AGO3: variants seen among roughly 807,000 people sequenced by gnomAD.
AGO3 encodes the protein argonaute RISC catalytic component 3.
AGO3 carries 16 observed loss-of-function variants against 105.5 expected under a neutral mutation model. That is an observed-to-expected ratio of 0.15 (90% confidence interval 0.10 to 0.23). The LOEUF is 0.23. Among genes scored for constraint, AGO3 ranks in the 10% least tolerant of loss-of-function variants. The pLI, the probability that AGO3 is intolerant of heterozygous loss-of-function variation, is 1.00. For synonymous variants in AGO3, 340 were observed against 367.3 expected, an observed-to-expected ratio of 0.93 and a Z score of 0.85; for missense variants, 534 against 1,088.0, an observed-to-expected ratio of 0.49 and a Z score of 7.16.
chr1:35,932,028 G>A (rs1402168860), intron 1 of AGO3, among the ~76,000 whole-genome samples: 1 of 152,190 alleles, frequency 6.6e-6, no homozygotes, highest in East Asian at 1.9e-4. Context: ...ATACGAGGAG[G>A]TGGTTCTTAA....
chr1:36,018,081 A>C (rs1462121658), intron 11 of AGO3, among the ~76,000 whole-genome samples: 4 of 151,476 alleles, frequency 2.6e-5, no homozygotes, highest in African/African-American at 9.7e-5. Context: ...CCCGGGATCA[A>C]ACAATTGTCC....
chr1:36,017,801 G>A (rs1478010200), intron 11 of AGO3, among the ~76,000 whole-genome samples: 2 of 152,002 alleles, frequency 1.3e-5, no homozygotes, highest in Non-Finnish European at 2.9e-5. Context: ...TACTCAGGAG[G>A]CTGAAGTGGG....
At chr1:36,053,176 C>A (rs1430623434) in intron 17 of AGO3, among the ~76,000 whole-genome samples, 3 of 151,390 alleles carry the variant, frequency 2.0e-5, no homozygotes, top group African/African-American at 7.3e-5. Context: ...ATGCAAATGA[C>A]CATTATGAAT....
intron 5 of AGO3, among the ~76,000 whole-genome samples, chr1:35,979,092 C>CG (rs1331199630): frequency 6.6e-6 from 1 of 152,046 alleles, no homozygotes; most frequent in African/African-American, 2.4e-5. Flanking sequence ...TGGCTGGGCG[C>CG]GGTGGCTCAT....
At chr1:35,938,695 C>G (rs1337799035) in intron 1 of AGO3, among the ~76,000 whole-genome samples, 4 of 152,078 alleles carry the variant, frequency 2.6e-5, no homozygotes, top group African/African-American at 7.2e-5. Flanking sequence ...TGTTTGTATA[C>G]TGGTCCAGTG....
chr1:36,027,126 C>T lies in AGO3; in HGVS notation c.1419C>T (p.Asp473=). The T allele has an allele frequency of 1.2e-6, 2 of 1,613,186 alleles. No homozygotes were observed. The highest frequency in any genetic ancestry group is 1.7e-6 in the Non-Finnish European group (2 of 1,179,532). The change falls in exon 12 of 19, where the codon GAC becomes GAT. Residue 473 remains aspartate (D), a synonymous_variant. Coordinates refer to ENST00000373191, the MANE Select transcript of AGO3 (RefSeq NM_024852.4). This position sits in a 1 kb window ranked among gnomAD's most constrained non-coding sequence, Gnocchi z 4.0. ...TTTCTCCTTCCAGGGGTTTCACAGA[C>T]CAGCTGCGTAAGATTTCTAAGGATG... ...CREEILKGFT[D]QLRKISKDAG...
Position 36,040,331 on chromosome 1 carries a change from A to G in AGO3, c.2062A>G (p.Ile688Val), listed in dbSNP as rs1642192408. The G allele has an allele frequency of 1.9e-6, 3 of 1,613,752 alleles. No homozygotes were observed. The highest frequency in any genetic ancestry group is 3.3e-5 in the Admixed American group (2 of 60,032). The change falls in exon 16 of 19, where the codon ATT becomes GTT. Residue 688 changes from isoleucine (I) to valine (V), a missense_variant. Physicochemically the swap from Ile to Val is conservative, Grantham distance 29 (BLOSUM62 3). Around this residue, in one of 2 missense-constraint regions of AGO3, gnomAD observed 373 missense variants for 854.0 expected, o/e 0.44. Coordinates refer to ENST00000373191, the MANE Select transcript of AGO3 (RefSeq NM_024852.4). ...GGTATTATATTATGAACTACTAGCA[A>G]TTCGAGAAGCCTGCATCAGTTTGGA... ...RQVLYYELLA[I>V]REACISLEKD... is the part of the protein sequence containing the mutation.
At chr1:36,029,440 G>T (rs193184954) in intron 12 of AGO3, among the ~76,000 whole-genome samples, 266 of 147,096 alleles carry the variant, frequency 1.8e-3, no homozygotes, top group Non-Finnish European at 2.6e-3. Flanking sequence ...TGTCGCCCAG[G>T]TTGGAGTGCA....
At chr1:36,014,198 A>T in intron 11 of AGO3, 150 bp downstream of exon 11, 4 of 1,054,768 alleles carry the variant, frequency 3.8e-6, no homozygotes, top group South Asian at 1.6e-5. Flanking sequence ...TCACTCTGTC[A>T]CCCAGGCTGA....
At chr1:35,944,380 A>C (rs961612703) in intron 1 of AGO3, among the ~76,000 whole-genome samples, 2 of 151,698 alleles carry the variant, frequency 1.3e-5, no homozygotes, top group African/African-American at 4.8e-5. Flanking sequence ...AGTAAGTTTT[A>C]TTTCTCTAGG....
intron 2 of AGO3, among the ~76,000 whole-genome samples, chr1:35,963,787 A>G (rs1242932025): frequency 6.6e-6 from 1 of 152,194 alleles, no homozygotes. Flanking sequence ...GACTAGTATA[A>G]GAAATACTGC....
intron 17 of AGO3, among the ~76,000 whole-genome samples, chr1:36,050,791 C>CA (rs566050744): frequency 0.21 from 18,326 of 85,792 alleles, 3,511 homozygotes; most frequent in East Asian, 0.7. Context: ...GACTCTATCT[C>CA]AAAAAAAAAA....
intron 9 of AGO3, among the ~76,000 whole-genome samples, chr1:36,011,390 CAAAGA>C (rs1419522018): frequency 6.6e-6 from 1 of 151,570 alleles, no homozygotes; most frequent in Non-Finnish European, 1.5e-5. Flanking sequence ...TGTAAAGAGT[CAAAGA>C]AAGTTATTAC....
chr1:36,042,484 CTGTTT>C (rs1291687371), intron 16 of AGO3, among the ~76,000 whole-genome samples: 2 of 152,112 alleles, frequency 1.3e-5, no homozygotes, highest in African/African-American at 2.4e-5. Flanking sequence ...AGATTATGAA[CTGTTT>C]TGTTTTGTGC....
Position 36,056,713 on chromosome 1 carries a change from T to G in AGO3, c.*968T>G, listed in dbSNP as rs1642926771. ...GTATATAAGCAGTAGCAACCTGAAC[T>G]ATTCTTTTTCTTTTTTCTTTTTCTT... On this transcript the variant is annotated 3_prime_UTR_variant, in exon 19 of 19. Coordinates refer to ENST00000373191, the MANE Select transcript of AGO3 (RefSeq NM_024852.4). 1 of 151,776 alleles carries G rather than the reference T, an allele frequency of 6.6e-6. No individual in the cohort carries two copies. The highest frequency in any genetic ancestry group is 1.5e-5 in the Non-Finnish European group (1 of 67,956). 9.4% of individuals were successfully genotyped at this position (151,776 alleles called of 1,614,324 possible).
chr1:35,966,933 A>G, intron 2 of AGO3, 22 bp from the exon 3 acceptor site: 8 of 1,596,196 alleles, frequency 5.0e-6, no homozygotes, highest in Non-Finnish European at 6.8e-6. Context: ...GATTATGTGA[A>G]TATATTGTTT....
intron 2 of AGO3, 148 bp from the exon 3 acceptor site, chr1:35,966,807 G>C: frequency 1.1e-6 from 1 of 887,136 alleles, no homozygotes; most frequent in Non-Finnish European, 1.6e-6. Flanking sequence ...GGTGTCTTAA[G>C]CCAAGATTCT....
chr1:35,936,040 A>T (rs1646140225), intron 1 of AGO3, among the ~76,000 whole-genome samples: 1 of 152,194 alleles, frequency 6.6e-6, no homozygotes, highest in South Asian at 2.1e-4. Context: ...TTTACCAGAC[A>T]TTCCTACCTT....
Position 36,046,623 on chromosome 1 carries a change from T to TAAAAAAAAAAAA in AGO3, c.2274+3096_2274+3107dup, listed in dbSNP as rs3073806. Among the ~76,000 whole-genome samples, 5 of 34,466 alleles carry TAAAAAAAAAAAA rather than the reference T, an allele frequency of 1.5e-4. 1 individual carries two copies. The highest frequency in any genetic ancestry group is 2.1e-4 in the African/African-American group (2 of 9,756). 22.6% of individuals were successfully genotyped at this position (34,466 alleles called of 152,430 possible). On this transcript the variant is annotated intron_variant, in intron 17 of 18. Coordinates refer to ENST00000373191, the MANE Select transcript of AGO3 (RefSeq NM_024852.4). ...AACAGAGTGAGACTCAGTCTCTATTTAAAAAAAAAAAAAAAAAAAAAAAAA... is the reference window on the plus strand; with the variant it reads ...AACAGAGTGAGACTCAGTCTCTATTTAAAAAAAAAAAAAAAAAAAAAAAAAAAAAAAAAAAAA...
Sources: allele counts gnomAD v4.1 joint callset (sites outside exome capture counted in the v4.1 genomes callset), GRCh38; gene constraint gnomAD v4.1.1; regional missense constraint gnomAD v4.1.1; non-coding constraint Gnocchi (gnomAD v3.1); transcripts MANE v1.5; gene names NCBI Gene and HGNC (gene_info 2026-07-23, HGNC 2026-07-21).